Variants in CALCR observed in about 807,000 individuals in gnomAD.
The protein encoded by CALCR is calcitonin receptor.
A neutral mutation model predicts 59.5 loss-of-function variants in CALCR; 47 were observed. The observed-to-expected ratio is 0.79, with a 90% confidence interval of 0.63 to 1.01. The LOEUF (loss-of-function observed/expected upper bound fraction) is 1.01, where lower values mean the gene tolerates loss of function less well. Among genes scored for constraint, CALCR ranks in the 50% least tolerant of loss-of-function variants. CALCR has a pLI of 0.00. For synonymous variants in CALCR, 213 were observed against 211.3 expected, an observed-to-expected ratio of 1.01 and a Z score of -0.07; for missense variants, 566 against 597.1, an observed-to-expected ratio of 0.95 and a Z score of 0.54.
intron 4 of CALCR, among the ~76,000 whole-genome samples, chr7:93,478,550 C>G (rs1046501342): frequency 6.6e-6 from 1 of 151,528 alleles, no homozygotes; most frequent in South Asian, 2.1e-4. Context: ...ATTTGCTGGG[C>G]ATGGTGGCAT....
Position 93,479,389 on chromosome 7 carries a change from T to A in CALCR, c.170A>T (p.Asp57Val). Residue 57 changes from aspartate to valine, a missense_variant, in exon 4 of 14, where the codon GAC becomes GTC. By Grantham distance (152) the Asp-to-Val change is radical. Coordinates refer to ENST00000426151, the MANE Select transcript of CALCR (RefSeq NM_001742.4). ...KMMDAQYKCY[D>V]RMQQLPAYQG... ...GTATGCGGGTAACTGCTGCATTCGGTCATAGCATTTGTACTGTGCATCCAT... is the reference window on the plus strand; with the variant it reads ...GTATGCGGGTAACTGCTGCATTCGGACATAGCATTTGTACTGTGCATCCAT... The A allele has an allele frequency of 6.2e-7, 1 of 1,611,950 alleles. No individual in the cohort carries two copies. The highest frequency in any genetic ancestry group is 1.7e-5 in the Admixed American group (1 of 59,770).
chr7:93,487,083 T>C, intron 2 of CALCR, 76 bp from the exon 3 acceptor site: 1 of 789,290 alleles, frequency 1.3e-6, no homozygotes, highest in South Asian at 1.7e-5. Context: ...ATTTTCATTT[T>C]TTCTATTTGA....
intron 7 of CALCR, among the ~76,000 whole-genome samples, chr7:93,467,579 G>A (rs1261592488): frequency 6.6e-6 from 1 of 151,288 alleles, no homozygotes; most frequent in Non-Finnish European, 1.5e-5. Flanking sequence ...TATTTTTTGC[G>A]GTAAAGTATA....
chr7:93,489,219 G>A (rs1801019001), intron 2 of CALCR, among the ~76,000 whole-genome samples: 1 of 151,758 alleles, frequency 6.6e-6, no homozygotes, highest in Non-Finnish European at 1.5e-5. Context: ...AAACCAATGA[G>A]AACAAAGAGA....
chr7:93,561,012 A>C (rs970570119), intron 2 of CALCR, among the ~76,000 whole-genome samples: 1 of 152,190 alleles, frequency 6.6e-6, no homozygotes, highest in Non-Finnish European at 1.5e-5. Flanking sequence ...TTCCTACATT[A>C]TTTACAATCC....
intron 8 of CALCR, among the ~76,000 whole-genome samples, chr7:93,450,893 A>G (rs1469133970): frequency 6.6e-6 from 1 of 152,018 alleles, no homozygotes; most frequent in African/African-American, 2.4e-5. Context: ...ATATGGGAAA[A>G]TTTAAATAAA....
At chr7:93,563,759 C>T (rs572641771) in intron 2 of CALCR, among the ~76,000 whole-genome samples, 17 of 152,274 alleles carry the variant, frequency 1.1e-4, no homozygotes, top group East Asian at 1.9e-4. Flanking sequence ...GCATTTATAA[C>T]GAGCACACTT....
At chr7:93,524,785 CA>C (rs745979518) in intron 2 of CALCR, among the ~76,000 whole-genome samples, 57 of 152,082 alleles carry the variant, frequency 3.7e-4, no homozygotes, top group Non-Finnish European at 1.0e-4. Flanking sequence ...TGAGACTCCA[CA>C]ACCTTTTCCA....
chr7:93,494,344 C>T (rs1413496109), intron 2 of CALCR, among the ~76,000 whole-genome samples: 2 of 151,346 alleles, frequency 1.3e-5, no homozygotes, highest in African/African-American at 4.8e-5. Flanking sequence ...ATGGGCTGCA[C>T]AGTCATCTTG....
intron 2 of CALCR, among the ~76,000 whole-genome samples, chr7:93,557,933 C>A (rs558275149): frequency 1.3e-5 from 2 of 152,038 alleles, no homozygotes; most frequent in South Asian, 4.1e-4. Flanking sequence ...CTTGAAAAAG[C>A]AAGACCCTAA....
chr7:93,429,923 TTTGTTTGTTTG>T (rs1305343209), intron 13 of CALCR, among the ~76,000 whole-genome samples: 9 of 86,242 alleles, frequency 1.0e-4, no homozygotes, highest in Middle Eastern at 6.1e-3. Flanking sequence ...GGTTTTTTTT[TTTGTTTGTTTG>T]TTTTTTTGTT....
chr7:93,510,206 C>A (rs184078515), intron 2 of CALCR, among the ~76,000 whole-genome samples: 1 of 152,206 alleles, frequency 6.6e-6, no homozygotes, highest in African/African-American at 2.4e-5. Flanking sequence ...TATGACTTCT[C>A]CTAAAAGCTG....
chr7:93,424,986 A>T lies in CALCR; in HGVS notation c.*1370T>A, dbSNP rs1476425850. On this transcript the variant is annotated 3_prime_UTR_variant, in exon 14 of 14. Transcript: ENST00000426151. Reference sequence around the variant, plus strand: ...GAAAGGCAGTGGCAAAATATGACATAGATGAGACTGGAGATTTGGAGGGTT... The same window carrying T: ...GAAAGGCAGTGGCAAAATATGACATTGATGAGACTGGAGATTTGGAGGGTT... 6.6e-6 allele frequency: 1 copy of T among 152,634 alleles called. No homozygotes were observed. Among genetic ancestry groups the T allele is most frequent in the African/African-American group, 2.4e-5 (1 of 41,462 alleles). 9.5% of individuals were successfully genotyped at this position (152,634 alleles called of 1,614,324 possible). A position where few individuals can be genotyped will look rare whatever the true frequency, so the allele number is the denominator to read the frequency against.
In CALCR at chr7:93,474,675, C is replaced by T. The variant is rs147681175; in HGVS notation, c.317-2188G>A. Among the ~76,000 whole-genome samples the T allele has an allele frequency of 2.5e-3, 378 of 151,746 alleles. 2 individuals are homozygous for T. The highest frequency in any genetic ancestry group is 8.6e-3 in the African/African-American group (358 of 41,464). ...TCTCCAGTTCTTCAAAGCACCCATT[C>T]GATGTGTTTATTGTCTGAGAGATCA... On this transcript the variant is annotated intron_variant, in intron 5 of 13. Coordinates refer to ENST00000426151, the MANE Select transcript of CALCR (RefSeq NM_001742.4).
chr7:93,535,812 G>A (rs961796522), intron 2 of CALCR, among the ~76,000 whole-genome samples: 9 of 151,740 alleles, frequency 5.9e-5, no homozygotes, highest in African/African-American at 1.9e-4. Context: ...ACATTATGAA[G>A]TTAGATGCTG....
intron 2 of CALCR, among the ~76,000 whole-genome samples, chr7:93,501,234 A>G (rs921849637): frequency 6.6e-5 from 10 of 152,096 alleles, no homozygotes; most frequent in Non-Finnish European, 1.2e-4. Context: ...ATGATGTTAA[A>G]GTCAATTTCA....
At chr7:93,488,455 G>A (rs544386887) in intron 2 of CALCR, among the ~76,000 whole-genome samples, 2 of 151,464 alleles carry the variant, frequency 1.3e-5, no homozygotes, top group East Asian at 3.9e-4. Context: ...AAAAGACACA[G>A]ACTGGCAAAT....
At chr7:93,483,968 C>T (rs1800864664) in intron 3 of CALCR, 1 of 522,220 alleles carries the variant, frequency 1.9e-6, no homozygotes, top group Admixed American at 2.0e-5. Context: ...TGTGATGTCA[C>T]TCCTAAAGGT....
intron 2 of CALCR, among the ~76,000 whole-genome samples, chr7:93,554,900 A>T (rs1028801147): frequency 6.6e-6 from 1 of 151,598 alleles, no homozygotes; most frequent in Non-Finnish European, 1.5e-5. Context: ...TTGACACAGT[A>T]AATCTGAGAG....
Sources: gnomAD v4.1 joint callset for allele counts (sites outside exome capture counted in the v4.1 genomes callset) on GRCh38, gnomAD v4.1.1 for gene constraint, MANE v1.5 for transcripts, NCBI Gene and HGNC (gene_info 2026-07-23, HGNC 2026-07-21) for gene names.